TTN: variants seen among roughly 807,000 people sequenced by gnomAD.
TTN encodes the protein titin, also known as connectin.
A neutral mutation model predicts 3,223.0 loss-of-function variants in TTN; 1,525 were observed. That is an observed-to-expected ratio of 0.47 (90% CI 0.45 to 0.49). TTN has a LOEUF of 0.49. TTN is among the 20% of genes least tolerant of loss of function. The pLI is 0.00. For synonymous variants in TTN, 14,094 were observed against 15,161.0 expected (o/e 0.93, Z 5.17); for missense variants, 40,786 against 43,424.0 (o/e 0.94, Z 5.40).
Position 178,578,936 on chromosome 2 carries a change from G to A in TTN, c.68094C>T (p.Val22698=). Reference sequence around the variant, plus strand: ...TGGTTACTCTAAAGGTGGTTTTCTGGACAGCTGAGGCGCACGTCACCCACT... The same window carrying A: ...TGGTTACTCTAAAGGTGGTTTTCTGAACAGCTGAGGCGCACGTCACCCACT... ...NNKWVTCASA[V]QKTTFRVTRL... is the part of the protein sequence containing the mutation. The change falls in exon 320 of 363, where the codon GTC becomes GTT. Residue 22698 remains valine, a synonymous_variant. Transcript: ENST00000589042. 6.2e-7 allele frequency: 1 copy of A among 1,613,182 alleles called. No homozygotes were observed. Among genetic ancestry groups the A allele is most frequent in the Non-Finnish European group, 8.5e-7 (1 of 1,179,484 alleles).
At chr2:178,692,362 TAAATG>T in intron 120 of TTN, 130 bp downstream of exon 120, 1 of 962,678 alleles carries the variant, frequency 1.0e-6, no homozygotes, top group Admixed American at 2.2e-5. Context: ...TCACCACAAA[TAAATG>T]AAATCAATAT....
Position 178,536,569 on chromosome 2 carries a change from G to A in TTN, c.100178C>T (p.Pro33393Leu), listed in dbSNP as rs1339535549. Residue 33393 changes from proline (P) to leucine (L), a missense_variant, in exon 357 of 363, where the codon CCA becomes CTA. Physicochemically the swap from Pro to Leu is moderately conservative, Grantham distance 98. Transcript: ENST00000589042. Reference sequence around the variant, plus strand: ...AATAGTTGGTTTGCCAGGAGCACCTGGCTTTTCTATTAAACAAAAAAAAGA... The same window carrying A: ...AATAGTTGGTTTGCCAGGAGCACCTAGCTTTTCTATTAAACAAAAAAAAGA... ...VVIIKSPFEK[P>L]GAPGKPTITA... 1 of 1,489,718 alleles carries A rather than the reference G, an allele frequency of 6.7e-7. No individual in the cohort carries two copies. The highest frequency in any genetic ancestry group is 1.4e-5 in the African/African-American group (1 of 71,160). The allele number at this position is 1,489,718 out of a possible 1,614,324, so 92.3% of individuals were successfully genotyped here. A position where few individuals can be genotyped will look rare whatever the true frequency, so the allele number is the denominator to read the frequency against.
At position 178,669,673 on chromosome 2, in the gene TTN, G is replaced by T. The variant is rs781150596; in HGVS notation, c.35389C>A (p.Pro11797Thr). 2 of 1,611,692 alleles carry T rather than the reference G, an allele frequency of 1.2e-6. No homozygotes were observed. The highest frequency in any genetic ancestry group is 2.7e-5 in the African/African-American group (2 of 74,974). Reference sequence around the variant, plus strand: ...GGGACAATTTTCTTGGGTACTTCGGGTGCTTTAAAGATATTTATTTATCTT... The same window carrying T: ...GGGACAATTTTCTTGGGTACTTCGGTTGCTTTAAAGATATTTATTTATCTT... The part of the protein sequence containing the change: ...EEPRVPPTKA[P>T]EVPKKIVPEE... The change falls in exon 158 of 363, where the codon CCC (proline) becomes ACC (threonine). Residue 11797 changes from proline (P) to threonine (T), a missense_variant and splice_region_variant. Coordinates refer to ENST00000589042, the MANE Select transcript of TTN (RefSeq NM_001267550.2).
At chr2:178,649,475 A>G in intron 212 of TTN, 79 bp downstream of exon 212, 1 of 1,445,646 alleles carries the variant, frequency 6.9e-7, no homozygotes, top group Non-Finnish European at 9.3e-7. Context: ...ATGCAACAAC[A>G]ATGAGGACAA....
rs1561231691 is a variant in TTN at position 178,771,206 on chromosome 2, C to T, written c.8116+5G>A. ...TTTGAAAAGGACAAATCCTATGTTA[C>T]TTGCCTTCAACTTTGAGTTTGGCAG... is the stretch of plus-strand genomic sequence containing the variant. On this transcript the variant is annotated splice_donor_5th_base_variant and intron_variant, in intron 34 of 362. Coordinates refer to ENST00000589042, the MANE Select transcript of TTN (RefSeq NM_001267550.2). 6.2e-7 allele frequency: 1 copy of T among 1,613,934 alleles called. No homozygotes were observed. Among genetic ancestry groups the T allele is most frequent in the Non-Finnish European group, 8.5e-7 (1 of 1,179,978 alleles).
At position 178,557,477 on chromosome 2, in the gene TTN, A is replaced by C. The variant is rs1053653300; in HGVS notation, c.87785T>G (p.Val29262Gly). 5.0e-6 allele frequency: 8 copies of C among 1,613,776 alleles called. No individual in the cohort carries two copies. In the African/African-American group the frequency reaches 8.0e-5, roughly 16 times the overall value. Residue 29262 changes from valine (V) to glycine (G), a missense_variant, in exon 329 of 363, where the codon GTG (valine) becomes GGG (glycine). Val to Gly is a moderately radical substitution (Grantham distance 109). Transcript: ENST00000589042. Reference sequence around the variant, plus strand: ...TACGACTGCACTGCCTCCATTTGACACTGGTTCATGCCAGCCCACAGTGAT... The same window carrying C: ...TACGACTGCACTGCCTCCATTTGACCCTGGTTCATGCCAGCCCACAGTGAT... ...ESITVGWHEPVSNGGSAVVGY... is the reference protein window; with the variant it reads ...ESITVGWHEPGSNGGSAVVGY...
In TTN at chr2:178,563,457, A is replaced by G; in HGVS notation, c.82675T>C (p.Ser27559Pro). The change falls in exon 326 of 363, where the codon TCT becomes CCT. Residue 27559 changes from serine to proline, a missense_variant. Coordinates refer to ENST00000589042, the MANE Select transcript of TTN (RefSeq NM_001267550.2). The surrounding 1 kb of genome is among the most constrained non-coding windows in gnomAD (Gnocchi z 4.5). ...AAGVGEPSEP[S>P]VFYRACDALY... Reference sequence around the variant, plus strand: ...GCATCACACGCACGGTAGAAAACAGATGGCTCACTAGGTTCTCCCACACCA... The same window carrying G: ...GCATCACACGCACGGTAGAAAACAGGTGGCTCACTAGGTTCTCCCACACCA... 2 of 1,613,634 alleles carry G rather than the reference A, an allele frequency of 1.2e-6. No individual in the cohort carries two copies. The highest frequency in any genetic ancestry group is 1.7e-6 in the Non-Finnish European group (2 of 1,179,720).
chr2:178,594,944 T>C (rs2051121284), intron 295 of TTN, among the ~76,000 whole-genome samples: 1 of 151,984 alleles, frequency 6.6e-6, no homozygotes, highest in Non-Finnish European at 1.5e-5. Flanking sequence ...ATTAATGCCA[T>C]TAAGTGGGAA....
Position 178,562,869 on chromosome 2 carries a change from T to G in TTN, c.83263A>C (p.Lys27755Gln). Reference protein sequence around the residue: ...NLTLENNSGSKTAFVNVRVLD... With the variant: ...NLTLENNSGSQTAFVNVRVLD... ...ACTCTGACGTTAACAAAAGCTGTTT[T>G]GGAGCCACTATTATTTTCTAATGTC... is the stretch of plus-strand genomic sequence containing the variant. The change falls in exon 326 of 363, where the codon AAA becomes CAA. Residue 27755 changes from lysine (K) to glutamine (Q), a missense_variant. By Grantham distance (53) the Lys-to-Gln change is moderately conservative. Transcript: ENST00000589042. 1 of 1,613,108 alleles carries G rather than the reference T, an allele frequency of 6.2e-7. No homozygotes were observed. Among genetic ancestry groups the G allele is most frequent in the Non-Finnish European group, 8.5e-7 (1 of 1,179,532 alleles).
At chr2:178,761,836 A>C (rs1204382894) in intron 43 of TTN, among the ~76,000 whole-genome samples, 1 of 152,224 alleles carries the variant, frequency 6.6e-6, no homozygotes, top group Non-Finnish European at 1.5e-5. Flanking sequence ...TCATTGTTAA[A>C]CTAATTATTC....
In TTN at chr2:178,607,856, A is replaced by C. The variant is rs1490004465; in HGVS notation, c.52931T>G (p.Val17644Gly). Residue 17644 changes from valine (V) to glycine (G), a missense_variant, in exon 276 of 363, where the codon GTG (valine) becomes GGG (glycine). Val to Gly is a moderately radical substitution (Grantham distance 109). Transcript: ENST00000589042. ...IREGADYKLR[V>G]SAVNAAGEGP... ...TTCCCCTGCGGCATTGACAGCACTC[A>C]CCCGAAGTTTGTAATCAGCACCCTC... The C allele has an allele frequency of 1.2e-6, 2 of 1,612,982 alleles. No individual in the cohort carries two copies. The highest frequency in any genetic ancestry group is 4.5e-5 in the East Asian group (2 of 44,686).
At position 178,557,756 on chromosome 2, in the gene TTN, T is replaced by C. The variant is rs1553554462; in HGVS notation, c.87598A>G (p.Met29200Val). 6.2e-7 allele frequency: 1 copy of C among 1,613,876 alleles called. No homozygotes were observed. The highest frequency in any genetic ancestry group is 1.3e-5 in the African/African-American group (1 of 74,958). The change falls in exon 328 of 363, where the codon ATG becomes GTG. Residue 29200 changes from methionine (M) to valine (V), a missense_variant. Met to Val is a conservative substitution (Grantham distance 21). Coordinates refer to ENST00000589042, the MANE Select transcript of TTN (RefSeq NM_001267550.2). ...ATVARTMMKV[M>V]KLTTGEEYQF... is the part of the protein sequence containing the mutation. ...TATTCTTCTCCTGTGGTCAGTTTCA[T>C]GACTTTCATCATGGTTCTTGCAACT... is the stretch of plus-strand genomic sequence containing the variant.
At chr2:178,593,939 C>T in intron 297 of TTN, 22 bp downstream of exon 297, 1 of 1,611,522 alleles carries the variant, frequency 6.2e-7, no homozygotes, top group Non-Finnish European at 8.5e-7. Context: ...AAGATCTATT[C>T]TTTCCACTAA....
In TTN at chr2:178,725,794, G is replaced by A. The variant is rs1351578850; in HGVS notation, c.20528C>T (p.Thr6843Ile). 1.2e-6 allele frequency: 2 copies of A among 1,606,100 alleles called. No homozygotes were observed. Among genetic ancestry groups the A allele is most frequent in the Admixed American group, 1.7e-5 (1 of 59,488 alleles). The change falls in exon 70 of 363, where the codon ACT becomes ATT. Residue 6843 changes from threonine (T) to isoleucine (I), a missense_variant. Thr to Ile is a moderately conservative substitution (Grantham distance 89). Transcript: ENST00000589042. Reference sequence around the variant, plus strand: ...TTTCAATTTTACAGTACAAACACAAGTATCACTTCCCACTTCATTCTGTGC... The same window carrying A: ...TTTCAATTTTACAGTACAAACACAAATATCACTTCCCACTTCATTCTGTGC... ...CKAQNEVGSD[T>I]CVCTVKLKEP...
intron 335 of TTN, 118 bp downstream of exon 335, chr2:178,551,512 C>G (rs750615329): frequency 8.5e-6 from 8 of 936,302 alleles, no homozygotes; most frequent in Non-Finnish European, 1.2e-5. Context: ...ATGACCAGTT[C>G]TCTAGTGACA....
At chr2:178,749,678 T>A (rs1468089538) in intron 47 of TTN, 24 of 1,613,000 alleles carry the variant, frequency 1.5e-5, no homozygotes, top group Non-Finnish European at 2.0e-5. Context: ...TGAAACACTT[T>A]CAACTGCCCC....
In TTN at chr2:178,693,928, C is replaced by A; in HGVS notation, c.31507G>T (p.Val10503Phe). ...ATTCCAGTTTGCCTTATACCTGTGA[C>A]TGACACCTCCTCCTCTGTGTGAGAA... ...FASHTEEEVS[V>F]TVPEVQKEIV... The change falls in exon 118 of 363, where the codon GTC becomes TTC. Residue 10503 changes from valine (V) to phenylalanine (F), a missense_variant. Physicochemically the swap from Val to Phe is conservative, Grantham distance 50. Coordinates refer to ENST00000589042, the MANE Select transcript of TTN (RefSeq NM_001267550.2). 6.2e-7 allele frequency: 1 copy of A among 1,612,898 alleles called. No individual in the cohort carries two copies. The highest frequency in any genetic ancestry group is 8.5e-7 in the Non-Finnish European group (1 of 1,179,240).
Position 178,722,348 on chromosome 2 carries a change from T to G in TTN, c.22439A>C (p.Gln7480Pro), listed in dbSNP as rs201065037. The G allele has an allele frequency of 2.3e-4, 379 of 1,613,212 alleles. No homozygotes were observed. Among genetic ancestry groups the G allele is most frequent in the Non-Finnish European group, 3.1e-4 (362 of 1,179,536 alleles). ...CTGGCCAGAGTGACTCAAGTCAGTT[T>G]GCAAAATTTTTAAAGTTGCCACATT... is the stretch of plus-strand genomic sequence containing the variant. ...VDNVATLKILQTDLSHSGQYS... is the reference protein window; with the variant it reads ...VDNVATLKILPTDLSHSGQYS... The change falls in exon 77 of 363, where the codon CAA (glutamine) becomes CCA (proline). Residue 7480 changes from glutamine to proline, a missense_variant. Coordinates refer to ENST00000589042, the MANE Select transcript of TTN (RefSeq NM_001267550.2).
At position 178,723,550 on chromosome 2, in the gene TTN, T is replaced by C. The variant is rs1366031789; in HGVS notation, c.21550A>G (p.Asn7184Asp). Residue 7184 changes from asparagine to aspartate, a missense_variant, in exon 74 of 363, where the codon AAC becomes GAC. Physicochemically the swap from Asn to Asp is conservative, Grantham distance 23. Coordinates refer to ENST00000589042, the MANE Select transcript of TTN (RefSeq NM_001267550.2). ...GCCACAGTGTCTTCAAAATAGATGT[T>C]GCACCGGTCTCCTTTCACTAGTTCT... ...ARELVKGDRCNIYFEDTVAEL... is the reference protein window; with the variant it reads ...ARELVKGDRCDIYFEDTVAEL... 2.5e-6 allele frequency: 4 copies of C among 1,613,426 alleles called. No individual in the cohort carries two copies. The South Asian group carries it at 4.4e-5, about 18-fold the overall frequency.
Sources: allele counts gnomAD v4.1 joint callset (sites outside exome capture counted in the v4.1 genomes callset), GRCh38; gene constraint gnomAD v4.1.1; non-coding constraint Gnocchi (gnomAD v3.1); transcripts MANE v1.5; gene names NCBI Gene and HGNC (gene_info 2026-07-23, HGNC 2026-07-21).